AUTS2: variants seen among roughly 807,000 people sequenced by gnomAD.
AUTS2 encodes activator of transcription and developmental regulator AUTS2.
Under a neutral mutation model 112.4 loss-of-function variants are expected in AUTS2, and 17 were observed. That is an observed-to-expected ratio of 0.15 (90% confidence interval 0.10 to 0.23). The LOEUF (loss-of-function observed/expected upper bound fraction) is 0.23, where lower values mean the gene tolerates loss of function less well. Among genes scored for constraint, AUTS2 ranks in the 10% least tolerant of loss-of-function variants. The pLI is 1.00. For missense variants in AUTS2, 1,510 were observed against 1,701.6 expected, an observed-to-expected ratio of 0.89 and a Z score of 1.98; for synonymous variants, 751 against 702.7, an observed-to-expected ratio of 1.07 and a Z score of -1.09.
intron 5 of AUTS2, among the ~76,000 whole-genome samples, chr7:70,692,354 A>G (rs1808798553): frequency 6.6e-6 from 1 of 152,234 alleles, no homozygotes; most frequent in African/African-American, 2.4e-5. Context: ...TGCTAGAACA[A>G]CAAGATAAGA....
At chr7:70,489,022 TTTA>T (rs1391241865) in intron 5 of AUTS2, among the ~76,000 whole-genome samples, 2 of 152,194 alleles carry the variant, frequency 1.3e-5, no homozygotes, top group African/African-American at 4.8e-5. Context: ...TCAGCAAAAT[TTTA>T]TTGTCAGCCT....
intron 4 of AUTS2, among the ~76,000 whole-genome samples, chr7:70,248,612 T>C (rs545989580): frequency 6.6e-6 from 1 of 152,220 alleles, no homozygotes; most frequent in Non-Finnish European, 1.5e-5. Flanking sequence ...TTTTGTGCAT[T>C]CTATTTTTGC....
chr7:70,205,954 A>G (rs1810553202), intron 4 of AUTS2, among the ~76,000 whole-genome samples: 1 of 152,240 alleles, frequency 6.6e-6, no homozygotes, highest in African/African-American at 2.4e-5. Flanking sequence ...AATAAGTCTT[A>G]TCTTGAACTG....
At chr7:70,733,206 A>G (rs1787542442) in intron 6 of AUTS2, among the ~76,000 whole-genome samples, 1 of 152,178 alleles carries the variant, frequency 6.6e-6, no homozygotes, top group South Asian at 2.1e-4. Context: ...GAAAATCTCT[A>G]TCTGCAGAGA....
At chr7:70,476,708 T>C (rs1368869682) in intron 5 of AUTS2, among the ~76,000 whole-genome samples, 1 of 152,226 alleles carries the variant, frequency 6.6e-6, no homozygotes, top group African/African-American at 2.4e-5. Flanking sequence ...ACAAGCTCTA[T>C]AGCCTTCAGC....
chr7:70,344,064 C>T (rs1244153313), intron 4 of AUTS2, among the ~76,000 whole-genome samples: 1 of 152,200 alleles, frequency 6.6e-6, no homozygotes, highest in East Asian at 1.9e-4. Context: ...CTTTGAGGGT[C>T]GTGCAGGTTC....
At chr7:69,790,481 CT>C (rs1789565672) in intron 1 of AUTS2, among the ~76,000 whole-genome samples, 1 of 152,176 alleles carries the variant, frequency 6.6e-6, no homozygotes, top group South Asian at 2.1e-4. Context: ...TGACTTGAAT[CT>C]TGGTAAAATC....
chr7:70,399,802 A>T (rs1164652457), intron 4 of AUTS2, among the ~76,000 whole-genome samples: 1 of 152,204 alleles, frequency 6.6e-6, no homozygotes, highest in African/African-American at 2.4e-5. Context: ...CTTGGGATGG[A>T]TTACAGCTGA....
chr7:70,019,131 A>G (rs149873635), intron 2 of AUTS2, among the ~76,000 whole-genome samples: 1 of 152,366 alleles, frequency 6.6e-6, no homozygotes, highest in East Asian at 1.9e-4. Flanking sequence ...TAGGAGCTGT[A>G]GGCTATTATC....
intron 4 of AUTS2, among the ~76,000 whole-genome samples, chr7:70,300,683 G>A (rs576063570): frequency 3.5e-4 from 54 of 152,256 alleles, no homozygotes; most frequent in African/African-American, 1.3e-3. Flanking sequence ...AAGGAAGAAC[G>A]ATGTTTTGGG....
At chr7:70,401,167 T>C (rs189272100) in intron 4 of AUTS2, among the ~76,000 whole-genome samples, 1 of 152,226 alleles carries the variant, frequency 6.6e-6, no homozygotes, top group East Asian at 1.9e-4. Flanking sequence ...GAGAAGCTGC[T>C]CTCCATGGCA....
At chr7:70,643,119 A>G (rs1170833511) in intron 5 of AUTS2, among the ~76,000 whole-genome samples, 2 of 152,232 alleles carry the variant, frequency 1.3e-5, no homozygotes, top group African/African-American at 4.8e-5. Flanking sequence ...CAGCCTCCAC[A>G]GATTCCAAGA....
intron 2 of AUTS2, among the ~76,000 whole-genome samples, chr7:70,082,439 T>C (rs1803368535): frequency 6.6e-6 from 1 of 152,200 alleles, no homozygotes; most frequent in South Asian, 2.1e-4. Context: ...TGCATATGTT[T>C]TTTAAATATT....
chr7:70,340,025 T>C (rs1287246768), intron 4 of AUTS2, among the ~76,000 whole-genome samples: 1 of 152,164 alleles, frequency 6.6e-6, no homozygotes, highest in Non-Finnish European at 1.5e-5. Flanking sequence ...GCTCTTTTAC[T>C]TAGCTATTTA....
intron 1 of AUTS2, among the ~76,000 whole-genome samples, chr7:69,896,258 G>C (rs541561959): frequency 1.6e-4 from 24 of 152,322 alleles, no homozygotes; most frequent in African/African-American, 5.8e-4. Flanking sequence ...TAGCATGCAA[G>C]GCTGTGAAAT....
At chr7:69,902,633 G>T (rs904684424) in intron 2 of AUTS2, among the ~76,000 whole-genome samples, 15 of 152,212 alleles carry the variant, frequency 9.9e-5, no homozygotes, top group Non-Finnish European at 1.9e-4. Context: ...AGAGAGGAAA[G>T]AATAGGATTT....
chr7:70,389,782 G>A (rs1045036210), intron 4 of AUTS2, among the ~76,000 whole-genome samples: 1 of 152,074 alleles, frequency 6.6e-6, no homozygotes, highest in African/African-American at 2.4e-5. Context: ...TCATCATAAA[G>A]GAGCCACTTT....
chr7:70,518,592 G>A (rs1425150069), intron 5 of AUTS2, among the ~76,000 whole-genome samples: 3 of 151,938 alleles, frequency 2.0e-5, no homozygotes, highest in South Asian at 2.1e-4. Context: ...GCTAAGGCAG[G>A]AGAATGGCGT....
chr7:69,654,582 A>G (rs1053740926), intron 1 of AUTS2, among the ~76,000 whole-genome samples: 12 of 152,206 alleles, frequency 7.9e-5, no homozygotes, highest in African/African-American at 2.2e-4. Flanking sequence ...ACATGCCATT[A>G]TGTACACAGC....
Sources: gnomAD v4.1 joint callset for allele counts (sites outside exome capture counted in the v4.1 genomes callset) on GRCh38, gnomAD v4.1.1 for gene constraint, MANE v1.5 for transcripts, NCBI Gene and HGNC (gene_info 2026-07-23, HGNC 2026-07-21) for gene names.